NR2F1-AS1: variants seen among roughly 807,000 people sequenced by gnomAD.
NR2F1-AS1 encodes NR2F1 antisense RNA 1.
At chr5:93,570,894 C>G (rs1224063745) in intron 1 of NR2F1-AS1, 2 of 152,188 alleles carry the variant, frequency 1.3e-5, no homozygotes, top group Non-Finnish European at 2.9e-5. Flanking sequence ...GGTCGGAGTT[C>G]GCTAGTCCAG....
At chr5:93,547,218 A>G (rs77780852) in intron 4 of NR2F1-AS1, among the ~76,000 whole-genome samples, 4,471 of 152,280 alleles carry the variant, frequency 0.029, 210 homozygotes, top group African/African-American at 0.1. Flanking sequence ...TCTGGGGAAC[A>G]CTGACTGATA....
chr5:93,533,783 G>C (rs1344632415), intron 4 of NR2F1-AS1, among the ~76,000 whole-genome samples: 6 of 152,162 alleles, frequency 3.9e-5, no homozygotes, highest in Non-Finnish European at 8.8e-5. Flanking sequence ...TCTAGTAAGA[G>C]AAAGGCTTAA....
chr5:93,525,779 G>A (rs1287368728), intron 4 of NR2F1-AS1, among the ~76,000 whole-genome samples: 3 of 152,090 alleles, frequency 2.0e-5, no homozygotes, highest in Admixed American at 1.3e-4. Flanking sequence ...CAAAATTAAG[G>A]TAGAAATAAA....
At chr5:93,428,032 A>G (rs1749232203) in intron 4 of NR2F1-AS1, among the ~76,000 whole-genome samples, 1 of 152,190 alleles carries the variant, frequency 6.6e-6, no homozygotes, top group South Asian at 2.1e-4. Context: ...CATAAACTAT[A>G]TCAAAATGCT....
Position 93,466,904 on chromosome 5 carries a change from T to TTG in NR2F1-AS1, n.639-71363_639-71362insCA, listed in dbSNP as rs1554065104. 5.9e-3 allele frequency among the ~76,000 whole-genome samples: 92 copies of TTG among 15,524 alleles called. 10 individuals carry two copies. Among genetic ancestry groups the TTG allele is most frequent in the Non-Finnish European group, 0.012 (71 of 5,852 alleles). The allele number at this position is 15,524 out of a possible 152,430, so 10.2% of individuals were successfully genotyped here. A position where few individuals can be genotyped will look rare whatever the true frequency, so the allele number is the denominator to read the frequency against. Reference sequence around the variant, plus strand: ...TTCCTTCTCCAGAATATCCCTTTTTTGGGGGGGGGGGGGGTGGACGGAGTC... The same window carrying TTG: ...TTCCTTCTCCAGAATATCCCTTTTTTTGGGGGGGGGGGGGGGTGGACGGAGTC... On this transcript the variant is annotated intron_variant and non_coding_transcript_variant, in intron 4 of 5. Transcript: ENST00000660523.
At chr5:93,563,395 G>A (rs1274746071) in exon 2 of NR2F1-AS1, 4 of 152,078 alleles carry the variant, frequency 2.6e-5, no homozygotes, top group Admixed American at 2.0e-4. Context: ...TTGTGGTCAC[G>A]GAGAAAACAG....
chr5:93,415,039 C>T (rs1435976347), intron 4 of NR2F1-AS1, among the ~76,000 whole-genome samples: 2 of 152,142 alleles, frequency 1.3e-5, no homozygotes, highest in Non-Finnish European at 2.9e-5. Context: ...GTTTACATCT[C>T]CCTGACCCAA....
intron 4 of NR2F1-AS1, among the ~76,000 whole-genome samples, chr5:93,524,539 C>T (rs1751571639): frequency 6.6e-6 from 1 of 152,000 alleles, no homozygotes; most frequent in Non-Finnish European, 1.5e-5. Flanking sequence ...AAGAACAACC[C>T]CAAGACACAC....
At chr5:93,484,778 CAAAAA>C (rs61083284) in intron 4 of NR2F1-AS1, among the ~76,000 whole-genome samples, 1 of 84,320 alleles carries the variant, frequency 1.2e-5, no homozygotes, top group Non-Finnish European at 2.8e-5. Flanking sequence ...AAATGGAAAG[CAAAAA>C]AAAAAAAAAA....
At position 93,522,445 on chromosome 5, in the gene NR2F1-AS1, C is replaced by A. The variant is rs114240785; in HGVS notation, n.638+31316G>T. On this transcript the variant is annotated intron_variant and non_coding_transcript_variant, in intron 4 of 5. Transcript: ENST00000660523. ...TTAAAGAATGAGGGTATTACTAATT[C>A]ATTCCCTTTTTTAAAAATACAACAA... Among the ~76,000 whole-genome samples, 8 of 152,144 alleles carry A rather than the reference C, an allele frequency of 5.3e-5. No homozygotes were observed. In the East Asian group the frequency reaches 1.3e-3, roughly 26 times the overall value.
At chr5:93,446,621 T>C (rs988704372) in intron 4 of NR2F1-AS1, among the ~76,000 whole-genome samples, 6 of 152,160 alleles carry the variant, frequency 3.9e-5, no homozygotes, top group African/African-American at 9.7e-5. Flanking sequence ...AAAATGGCCA[T>C]ACTGCCCAAA....
At chr5:93,441,770 A>T (rs777282184) in intron 4 of NR2F1-AS1, among the ~76,000 whole-genome samples, 3 of 152,182 alleles carry the variant, frequency 2.0e-5, no homozygotes, top group Non-Finnish European at 4.4e-5. Context: ...AAAATTAGTT[A>T]AAAAACAATC....
intron 4 of NR2F1-AS1, chr5:93,432,556 C>T (rs928981381): frequency 6.6e-6 from 1 of 152,230 alleles, no homozygotes; most frequent in Non-Finnish European, 1.5e-5. Flanking sequence ...TAGCCAATCA[C>T]TTGTGTCCTG....
rs1298291175 is a variant in NR2F1-AS1 at position 93,522,962 on chromosome 5, T to C, written n.638+30799A>G. ...CTAGCTGCAGGAGGTTTTTTTTTTTTCATATCCCAGTGGTGCCTGGAACAC... is the reference window on the plus strand; with the variant it reads ...CTAGCTGCAGGAGGTTTTTTTTTTTCCATATCCCAGTGGTGCCTGGAACAC... On this transcript the variant is annotated intron_variant and non_coding_transcript_variant, in intron 4 of 5. Transcript: ENST00000660523. Among the ~76,000 whole-genome samples, 5 of 150,828 alleles carry C rather than the reference T, an allele frequency of 3.3e-5. No individual in the cohort carries two copies. The East Asian group carries it at 7.8e-4, about 24-fold the overall frequency.
At chr5:93,570,199 G>GA (rs1360486653) in intron 1 of NR2F1-AS1, 1 of 152,204 alleles carries the variant, frequency 6.6e-6, no homozygotes, top group East Asian at 1.9e-4. Flanking sequence ...GCCACAAAAG[G>GA]AAACTCCCAC....
intron 4 of NR2F1-AS1, among the ~76,000 whole-genome samples, chr5:93,531,363 C>T (rs1751732639): frequency 6.6e-6 from 1 of 152,072 alleles, no homozygotes; most frequent in South Asian, 2.1e-4. Flanking sequence ...CTTTATGAAG[C>T]ACATTGGAAA....
chr5:93,570,834 C>T (rs933830159), intron 1 of NR2F1-AS1: 12 of 152,182 alleles, frequency 7.9e-5, no homozygotes, highest in African/African-American at 2.7e-4. Flanking sequence ...GCTCCGCGGC[C>T]GGATATGGGC....
chr5:93,438,412 C>T lies in NR2F1-AS1; in HGVS notation n.639-42870G>A, dbSNP rs149947141. On this transcript the variant is annotated intron_variant and non_coding_transcript_variant, in intron 4 of 5. Coordinates refer to ENST00000660523, the Ensembl canonical transcript of NR2F1-AS1. ...AGAAACCTGACCATCAATCTTGACT[C>T]CTGCCTCTCATTCACCAGGCCCACC... is the stretch of plus-strand genomic sequence containing the variant. Among the ~76,000 whole-genome samples, 645 of 152,296 alleles carry T rather than the reference C, an allele frequency of 4.2e-3. 1 individual carries two copies. The highest frequency in any genetic ancestry group is 7.0e-3 in the Non-Finnish European group (477 of 68,028).
At chr5:93,566,163 A>G (rs186635113) in intron 1 of NR2F1-AS1, among the ~76,000 whole-genome samples, 7 of 152,160 alleles carry the variant, frequency 4.6e-5, no homozygotes, top group Non-Finnish European at 1.0e-4. Flanking sequence ...ATTTTCCAAC[A>G]AGAAAGTACA....
Sources: gnomAD v4.1 joint callset for allele counts (sites outside exome capture counted in the v4.1 genomes callset) on GRCh38, gnomAD v4.1.1 for gene constraint, MANE v1.5 for transcripts, NCBI Gene and HGNC (gene_info 2026-07-23, HGNC 2026-07-21) for gene names.